LRP1B: variants seen among roughly 807,000 people sequenced by gnomAD.
LRP1B encodes the protein low-density lipoprotein receptor-related protein 1B.
In LRP1B, 217 loss-of-function variants were observed where a neutral mutation model predicts 556.6. The observed-to-expected ratio is 0.39, with a 90% CI of 0.35 to 0.44. LRP1B has a LOEUF of 0.44. Ranked by LOEUF, LRP1B falls within the 20% of genes least tolerant of loss-of-function variation. LRP1B has a pLI of 1.00. For synonymous variants in LRP1B, 2,047 were observed against 1,865.8 expected, an observed-to-expected ratio of 1.10 and a Z score of -2.50; for missense variants, 5,053 against 5,620.8, an observed-to-expected ratio of 0.90 and a Z score of 3.23.
intron 2 of LRP1B, among the ~76,000 whole-genome samples, chr2:141,714,005 T>G (rs970753396): frequency 2.0e-5 from 3 of 152,116 alleles, no homozygotes; most frequent in African/African-American, 7.3e-5. Flanking sequence ...CAGTGATACT[T>G]ATCAGCTGAG....
intron 67 of LRP1B, among the ~76,000 whole-genome samples, chr2:140,378,839 T>C (rs970853163): frequency 1.3e-5 from 2 of 152,204 alleles, no homozygotes; most frequent in South Asian, 2.1e-4. Flanking sequence ...CAAAGCTAGT[T>C]TGTAAGATTC....
intron 11 of LRP1B, among the ~76,000 whole-genome samples, chr2:141,043,577 C>A (rs1343374441): frequency 6.6e-6 from 1 of 151,810 alleles, no homozygotes; most frequent in Non-Finnish European, 1.5e-5. Context: ...ATATTCAAAT[C>A]TAGGTAAAAA....
intron 18 of LRP1B, among the ~76,000 whole-genome samples, chr2:140,956,978 G>A (rs1322703818): frequency 1.3e-5 from 2 of 151,694 alleles, no homozygotes; most frequent in African/African-American, 4.8e-5. Flanking sequence ...CAGAGTGAAT[G>A]AATGAGTGAG....
intron 63 of LRP1B, 57 bp from the exon 64 acceptor site, chr2:140,444,736 A>C: frequency 9.9e-7 from 1 of 1,013,338 alleles, no homozygotes; most frequent in Non-Finnish European, 1.5e-6. Flanking sequence ...AACTTCTTAA[A>C]CATAGAGTTT....
At chr2:141,941,619 G>A (rs1700805291) in intron 1 of LRP1B, among the ~76,000 whole-genome samples, 1 of 152,182 alleles carries the variant, frequency 6.6e-6, no homozygotes, top group South Asian at 2.1e-4. Flanking sequence ...GGTATCAGGA[G>A]GTTGAATGTG....
At chr2:140,469,297 T>C (rs1326896810) in intron 60 of LRP1B, among the ~76,000 whole-genome samples, 2 of 152,180 alleles carry the variant, frequency 1.3e-5, no homozygotes, top group African/African-American at 4.8e-5. Flanking sequence ...CACTAGCCCC[T>C]TCTGCTGTGA....
In LRP1B at chr2:140,770,915, T is replaced by A. The variant is rs147525271; in HGVS notation, c.5592A>T (p.Gly1864=). 62 of 1,565,164 alleles carry A rather than the reference T, an allele frequency of 4.0e-5. No homozygotes were observed. The highest frequency in any genetic ancestry group is 3.4e-4 in the Middle Eastern group (2 of 5,958). The change falls in exon 34 of 91, where the codon GGA becomes GGT. Residue 1864 remains glycine (G), a synonymous_variant. Coordinates refer to ENST00000389484, the MANE Select transcript of LRP1B (RefSeq NM_018557.3). ...ETTRTCMCTV[G]YYLQKNRMSC... ...ACATACGGTTCTTTTGGAGATAATA[T>A]CCCACTGTACACATACAAGTCCTTG...
At chr2:140,255,867 G>A (rs942386061) in intron 86 of LRP1B, among the ~76,000 whole-genome samples, 3 of 152,074 alleles carry the variant, frequency 2.0e-5, no homozygotes, top group Non-Finnish European at 2.9e-5. Context: ...TTACATATAA[G>A]ACCAGAGAAA....
At chr2:140,694,648 A>G (rs902462417) in intron 41 of LRP1B, among the ~76,000 whole-genome samples, 7 of 152,070 alleles carry the variant, frequency 4.6e-5, no homozygotes, top group African/African-American at 1.7e-4. Flanking sequence ...CTTTTCTATC[A>G]TCTGTCTCTT....
At chr2:140,973,052 T>TTATATATA (rs200336213) in intron 18 of LRP1B, among the ~76,000 whole-genome samples, 4,354 of 138,284 alleles carry the variant, frequency 0.031, 64 homozygotes, top group African/African-American at 0.038. Flanking sequence ...ATATTTCATT[T>TTATATATA]TATATATATA....
At position 140,249,109 on chromosome 2, in the gene LRP1B, T is replaced by C. The variant is rs576940309; in HGVS notation, c.13248-1947A>G. Among the ~76,000 whole-genome samples the C allele has an allele frequency of 3.6e-4, 54 of 151,542 alleles. 1 individual carries two copies. Among genetic ancestry groups the C allele is most frequent in the African/African-American group, 1.3e-3 (52 of 41,476 alleles). On this transcript the variant is annotated intron_variant, in intron 86 of 90. Transcript: ENST00000389484. ...CCCAAGGCATATTTTATTGTGTTAC[T>C]GAAAAAAGAACCTCTGGGACTCATT...
chr2:141,211,305 A>T (rs200422569), intron 6 of LRP1B, among the ~76,000 whole-genome samples: 6,730 of 138,464 alleles, frequency 0.049, 165 homozygotes, highest in South Asian at 0.11. Context: ...CTTTTTTTTT[A>T]AAAAAAAAAA....
chr2:141,225,611 T>G (rs894322958), intron 6 of LRP1B, among the ~76,000 whole-genome samples: 1 of 152,150 alleles, frequency 6.6e-6, no homozygotes. Flanking sequence ...ACTCCAAAAT[T>G]ATCCCCAAAG....
At chr2:140,671,117 C>T (rs1047517878) in intron 41 of LRP1B, among the ~76,000 whole-genome samples, 1 of 152,104 alleles carries the variant, frequency 6.6e-6, no homozygotes, top group African/African-American at 2.4e-5. Context: ...AAAGAACATA[C>T]ATTTATTATT....
In LRP1B at chr2:140,883,993, C is replaced by T; in HGVS notation, c.3993G>A (p.Glu1331=). 1 of 1,612,790 alleles carries T rather than the reference C, an allele frequency of 6.2e-7. No individual in the cohort carries two copies. Among genetic ancestry groups the T allele is most frequent in the African/African-American group, 1.3e-5 (1 of 74,958 alleles). ...GGCCTTCTGGAGTAGCCAGGCCATG[C>T]TCCACAACCACTTCAATGGCACTGA... ...GGVSAIEVVV[E]HGLATPEGLT... is the part of the protein sequence containing the mutation. Residue 1331 remains glutamate (E), a synonymous_variant, in exon 25 of 91, where the codon GAG becomes GAA. Coordinates refer to ENST00000389484, the MANE Select transcript of LRP1B (RefSeq NM_018557.3).
intron 5 of LRP1B, among the ~76,000 whole-genome samples, chr2:141,242,017 C>G (rs1003216788): frequency 6.6e-6 from 1 of 151,878 alleles, no homozygotes; most frequent in African/African-American, 2.4e-5. Flanking sequence ...CACTGGTATA[C>G]TGAAACAGAT....
intron 60 of LRP1B, among the ~76,000 whole-genome samples, chr2:140,471,007 A>C (rs548167468): frequency 3.3e-5 from 5 of 152,294 alleles, no homozygotes; most frequent in East Asian, 3.9e-4. Context: ...AGATTTTCCT[A>C]GGAGGGTTTC....
chr2:142,075,302 G>A (rs1276412206), intron 1 of LRP1B, among the ~76,000 whole-genome samples: 1 of 151,720 alleles, frequency 6.6e-6, no homozygotes, highest in Non-Finnish European at 1.5e-5. Flanking sequence ...GGCAGAATAG[G>A]GTGTATTAAT....
chr2:141,221,855 A>C (rs1156302373), intron 6 of LRP1B, among the ~76,000 whole-genome samples: 2 of 152,236 alleles, frequency 1.3e-5, no homozygotes, highest in African/African-American at 2.4e-5. Flanking sequence ...TTAAGGCAGA[A>C]ATCAAGAATT....
Sources: allele counts gnomAD v4.1 joint callset (sites outside exome capture counted in the v4.1 genomes callset), GRCh38; gene constraint gnomAD v4.1.1; transcripts MANE v1.5; gene names NCBI Gene and HGNC (gene_info 2026-07-23, HGNC 2026-07-21).